Variants in PACRG observed in about 807,000 individuals in gnomAD.
PACRG encodes the protein parkin coregulated, also known as parkin coregulated gene protein.
PACRG carries 29 observed loss-of-function variants against 29.7 expected under a neutral mutation model. That is an observed-to-expected ratio of 0.98 (90% CI 0.73 to 1.33). The LOEUF (loss-of-function observed/expected upper bound fraction) is 1.33, where lower values mean the gene tolerates loss of function less well. PACRG is among the 40% of genes most tolerant of loss of function. The pLI, the probability that PACRG is intolerant of heterozygous loss-of-function variation, is 0.00. For missense variants in PACRG, 279 were observed against 316.2 expected (o/e 0.88, Z 0.89); for synonymous variants, 116 against 118.7 (o/e 0.98, Z 0.15).
At chr6:162,895,413 T>C (rs1171497969) in intron 2 of PACRG, among the ~76,000 whole-genome samples, 2 of 152,354 alleles carry the variant, frequency 1.3e-5, no homozygotes, top group Non-Finnish European at 2.9e-5. Flanking sequence ...TCATGGCCTT[T>C]GTACCATTCT....
chr6:162,768,235 A>G (rs1782949741), intron 1 of PACRG, among the ~76,000 whole-genome samples: 1 of 152,094 alleles, frequency 6.6e-6, no homozygotes, highest in South Asian at 2.1e-4. Flanking sequence ...TGGGTATGTA[A>G]TTAGAGGATA....
chr6:162,871,146 A>G (rs2127994086), intron 2 of PACRG, among the ~76,000 whole-genome samples: 1 of 152,350 alleles, frequency 6.6e-6, no homozygotes, highest in African/African-American at 2.4e-5. Flanking sequence ...AAGGCTTTGT[A>G]AACATTGTAA....
intron 4 of PACRG, chr6:163,183,584 A>C (rs1387366498): frequency 6.6e-6 from 1 of 152,194 alleles, no homozygotes; most frequent in Non-Finnish European, 1.5e-5. Context: ...TAAAGAAAAA[A>C]AAAAGGAAGA....
At chr6:163,021,106 T>A (rs1027145992) in intron 2 of PACRG, among the ~76,000 whole-genome samples, 1 of 152,166 alleles carries the variant, frequency 6.6e-6, no homozygotes, top group African/African-American at 2.4e-5. Flanking sequence ...TGGTGAGCCA[T>A]CACTTTAGCC....
chr6:162,805,281 A>G (rs879440879), intron 1 of PACRG, among the ~76,000 whole-genome samples: 4 of 152,216 alleles, frequency 2.6e-5, no homozygotes, highest in African/African-American at 4.8e-5. Flanking sequence ...TTCCCAGTGC[A>G]TATAAATTAT....
At chr6:163,217,668 C>A (rs1197298519) in intron 4 of PACRG, among the ~76,000 whole-genome samples, 1 of 152,136 alleles carries the variant, frequency 6.6e-6, no homozygotes, top group East Asian at 1.9e-4. Context: ...TCATTGCTCG[C>A]TTTACTGCCT....
intron 1 of PACRG, among the ~76,000 whole-genome samples, chr6:162,775,948 T>C (rs916038484): frequency 1.3e-5 from 2 of 152,144 alleles, no homozygotes; most frequent in Non-Finnish European, 2.9e-5. Context: ...AAGGTAGATA[T>C]AGGTTTTGTG....
intron 3 of PACRG, among the ~76,000 whole-genome samples, chr6:163,076,305 G>T (rs1321392845): frequency 6.6e-6 from 1 of 152,084 alleles, no homozygotes; most frequent in East Asian, 1.9e-4. Flanking sequence ...AATTCTAAGA[G>T]GTCAGCTAAG....
chr6:162,993,017 G>A (rs905363105), intron 2 of PACRG, among the ~76,000 whole-genome samples: 12 of 147,522 alleles, frequency 8.1e-5, no homozygotes, highest in African/African-American at 3.0e-4. Context: ...TCATTCAGGA[G>A]CAGGTTGTTC....
At chr6:162,908,518 CA>C (rs1332867119) in intron 2 of PACRG, among the ~76,000 whole-genome samples, 1 of 152,218 alleles carries the variant, frequency 6.6e-6, no homozygotes, top group Non-Finnish European at 1.5e-5. Context: ...CACCAAATAG[CA>C]CATGATATGG....
intron 2 of PACRG, among the ~76,000 whole-genome samples, chr6:163,031,999 G>A (rs1005080890): frequency 1.3e-5 from 2 of 152,190 alleles, no homozygotes; most frequent in East Asian, 3.9e-4. Flanking sequence ...TTCTCCAATT[G>A]TGTCATGTTG....
chr6:162,869,038 G>T (rs1363816923), intron 2 of PACRG, among the ~76,000 whole-genome samples: 1 of 152,170 alleles, frequency 6.6e-6, no homozygotes, highest in African/African-American at 2.4e-5. Context: ...GCTCAGAATT[G>T]CTTCTGTGCT....
intron 2 of PACRG, among the ~76,000 whole-genome samples, chr6:162,960,102 A>G (rs1800486352): frequency 6.6e-6 from 1 of 152,188 alleles, no homozygotes; most frequent in Non-Finnish European, 1.5e-5. Flanking sequence ...AACTCAAAAA[A>G]CAACGGATGC....
intron 2 of PACRG, among the ~76,000 whole-genome samples, chr6:162,964,220 G>A (rs1041329871): frequency 1.3e-5 from 2 of 151,930 alleles, no homozygotes; most frequent in Non-Finnish European, 2.9e-5. Flanking sequence ...ATAACTTAGG[G>A]CAAATTACTT....
intron 2 of PACRG, among the ~76,000 whole-genome samples, chr6:162,856,953 G>A (rs994703192): frequency 1.3e-5 from 2 of 152,150 alleles, no homozygotes; most frequent in Non-Finnish European, 2.9e-5. Context: ...AATAACAGAA[G>A]GAAAAGTAGA....
intron 2 of PACRG, among the ~76,000 whole-genome samples, chr6:162,880,312 C>T (rs1011942092): frequency 6.6e-6 from 1 of 152,198 alleles, no homozygotes; most frequent in Non-Finnish European, 1.5e-5. Context: ...TGTTGCCAGG[C>T]CCCTCACTGG....
chr6:162,997,526 G>A, intron 2 of PACRG: 1 of 419,598 alleles, frequency 2.4e-6, no homozygotes, highest in Admixed American at 2.8e-5. Flanking sequence ...GCTGGAAATT[G>A]GAAAAATTCA....
Position 163,083,189 on chromosome 6 carries a change from A to G in PACRG, c.464-6070A>G, listed in dbSNP as rs1353552895. On this transcript the variant is annotated intron_variant, in intron 3 of 4. Coordinates refer to ENST00000366888, the MANE Select transcript of PACRG (RefSeq NM_001080379.2). Reference sequence around the variant, plus strand: ...TGGGCCCCCAAAATCACTCAGGAAAAGTCAAGCTGGAAACTGCTTAGGGCA... The same window carrying G: ...TGGGCCCCCAAAATCACTCAGGAAAGGTCAAGCTGGAAACTGCTTAGGGCA... Among the ~76,000 whole-genome samples, 4 of 152,324 alleles carry G rather than the reference A, an allele frequency of 2.6e-5. No homozygotes were observed. In the East Asian group the frequency reaches 7.7e-4, roughly 29 times the overall value.
intron 2 of PACRG, among the ~76,000 whole-genome samples, chr6:163,008,346 C>T (rs1172523463): frequency 6.6e-6 from 1 of 151,998 alleles, no homozygotes; most frequent in Admixed American, 6.6e-5. Flanking sequence ...AACAGAATTT[C>T]CCCAGTAAAA....
Sources: gnomAD v4.1 joint callset for allele counts (sites outside exome capture counted in the v4.1 genomes callset) on GRCh38, gnomAD v4.1.1 for gene constraint, MANE v1.5 for transcripts, NCBI Gene and HGNC (gene_info 2026-07-23, HGNC 2026-07-21) for gene names.